PRKCB: variants seen among roughly 807,000 people sequenced by gnomAD.
PRKCB encodes protein kinase C beta type.
Under a neutral mutation model 81.5 loss-of-function variants are expected in PRKCB, and 13 were observed. The ratio of observed to expected loss-of-function variants is 0.16; its 90% CI spans 0.10 to 0.25. The LOEUF (loss-of-function observed/expected upper bound fraction) is 0.25, where lower values mean the gene tolerates loss of function less well. Among genes scored for constraint, PRKCB ranks in the 10% least tolerant of loss-of-function variants. The pLI is 1.00. For synonymous variants in PRKCB, 335 were observed against 321.4 expected, an observed-to-expected ratio of 1.04 and a Z score of -0.45; for missense variants, 509 against 875.7, an observed-to-expected ratio of 0.58 and a Z score of 5.29.
intron 2 of PRKCB, among the ~76,000 whole-genome samples, chr16:23,902,780 T>TCCTTCCTTCCTTCTTCCTCCCTCCCTC (rs1567307987): frequency 3.7e-5 from 1 of 27,364 alleles, no homozygotes; most frequent in African/African-American, 1.8e-4. Context: ...CTTCCTTCCT[T>TCCTTCCTTCCTTCTTCCTCCCTCCCTC]CCTCCCTCCC....
intron 5 of PRKCB, among the ~76,000 whole-genome samples, chr16:24,048,454 T>C (rs1355012623): frequency 6.6e-6 from 1 of 152,056 alleles, no homozygotes; most frequent in Non-Finnish European, 1.5e-5. Flanking sequence ...ATACATGATA[T>C]TAGTAGCAGC....
intron 2 of PRKCB, among the ~76,000 whole-genome samples, chr16:23,868,775 C>T (rs559820420): frequency 1.2e-4 from 18 of 152,288 alleles, no homozygotes; most frequent in Non-Finnish European, 2.1e-4. Context: ...AGACTGGGGC[C>T]GGCTGCCAAG....
intron 3 of PRKCB, among the ~76,000 whole-genome samples, chr16:24,004,021 A>T (rs958623008): frequency 6.6e-6 from 1 of 152,216 alleles, no homozygotes; most frequent in Non-Finnish European, 1.5e-5. Flanking sequence ...GACATTATGC[A>T]TTCAAATAAT....
In PRKCB at chr16:24,217,472, G is replaced by A; in HGVS notation, c.*2656G>A. On this transcript the variant is annotated 3_prime_UTR_variant, in exon 17 of 17. Coordinates refer to ENST00000643927, the MANE Select transcript of PRKCB (RefSeq NM_002738.7). ...TAACCCTCCTTGGATGAGTGCTACT[G>A]TTTTCACATGGCTTCAGATGCTATC... The A allele has an allele frequency of 1.2e-5, 12 of 985,438 alleles. No individual in the cohort carries two copies. Among genetic ancestry groups the A allele is most frequent in the Non-Finnish European group, 1.4e-5 (12 of 829,930 alleles). 61.0% of individuals were successfully genotyped at this position (985,438 alleles called of 1,614,324 possible).
chr16:24,061,965 T>C (rs1047182342), intron 5 of PRKCB, among the ~76,000 whole-genome samples: 2 of 145,576 alleles, frequency 1.4e-5, no homozygotes, highest in Non-Finnish European at 3.0e-5. Flanking sequence ...AAAATGCCCA[T>C]GTTGTTGAGA....
intron 5 of PRKCB, among the ~76,000 whole-genome samples, chr16:24,072,994 T>C (rs1007379255): frequency 1.3e-5 from 2 of 152,224 alleles, no homozygotes; most frequent in African/African-American, 4.8e-5. Flanking sequence ...TGATCAGAGA[T>C]GATTATCAAA....
At chr16:23,877,368 T>C (rs1385631972) in intron 2 of PRKCB, among the ~76,000 whole-genome samples, 1 of 152,086 alleles carries the variant, frequency 6.6e-6, no homozygotes, top group East Asian at 1.9e-4. Context: ...TTAGAGAGAA[T>C]AGAGAGAATC....
chr16:24,042,726 A>G (rs1320970340), intron 5 of PRKCB, among the ~76,000 whole-genome samples: 1 of 146,472 alleles, frequency 6.8e-6, no homozygotes, highest in East Asian at 2.0e-4. Context: ...AAATGTACAT[A>G]CAATGATACA....
chr16:23,901,749 G>A (rs1318113238), intron 2 of PRKCB, among the ~76,000 whole-genome samples: 1 of 152,148 alleles, frequency 6.6e-6, no homozygotes, highest in African/African-American at 2.4e-5. Context: ...GCTGGTGGCA[G>A]CATTTTCTCT....
chr16:24,200,965 T>C (rs752887686), intron 16 of PRKCB, among the ~76,000 whole-genome samples: 5 of 152,158 alleles, frequency 3.3e-5, no homozygotes, highest in Non-Finnish European at 7.3e-5. Flanking sequence ...GGCCCAGGGA[T>C]TGGGGATCCC....
At chr16:23,948,773 C>A (rs963811064) in intron 2 of PRKCB, among the ~76,000 whole-genome samples, 4 of 152,174 alleles carry the variant, frequency 2.6e-5, no homozygotes, top group Non-Finnish European at 4.4e-5. Context: ...ACTGAAGAAA[C>A]TGAGTCAAGA....
At chr16:23,995,363 A>C (rs1964941561) in intron 3 of PRKCB, among the ~76,000 whole-genome samples, 1 of 152,224 alleles carries the variant, frequency 6.6e-6, no homozygotes, top group Non-Finnish European at 1.5e-5. Flanking sequence ...TGACCCAGCA[A>C]ATCCAATGGT....
intron 10 of PRKCB, among the ~76,000 whole-genome samples, chr16:24,168,541 C>CTATTTTT (rs1967383324): frequency 1.3e-5 from 1 of 76,328 alleles, no homozygotes; most frequent in Non-Finnish European, 3.0e-5. Flanking sequence ...TCTTCTTCTA[C>CTATTTTT]TTTTTTTTTT....
At chr16:24,190,612 C>T (rs549485803) in intron 15 of PRKCB, among the ~76,000 whole-genome samples, 21 of 151,578 alleles carry the variant, frequency 1.4e-4, no homozygotes, top group African/African-American at 4.1e-4. Context: ...CTCCGCTTCC[C>T]GGGTTCAACA....
intron 15 of PRKCB, among the ~76,000 whole-genome samples, chr16:24,189,125 C>T (rs186422798): frequency 6.6e-5 from 10 of 152,272 alleles, no homozygotes; most frequent in African/African-American, 1.7e-4. Context: ...GAGAAAACCA[C>T]GTGTGAAATG....
rs1968209157 is a variant in PRKCB at position 24,215,300 on chromosome 16, A to G, written c.*484A>G. The G allele has an allele frequency of 1.0e-6, 1 of 986,446 alleles. No individual in the cohort carries two copies. Among genetic ancestry groups the G allele is most frequent in the Non-Finnish European group, 1.2e-6 (1 of 830,302 alleles). 61.1% of individuals were successfully genotyped at this position (986,446 alleles called of 1,614,324 possible). A position where few individuals can be genotyped will look rare whatever the true frequency, so the allele number is the denominator to read the frequency against. On this transcript the variant is annotated 3_prime_UTR_variant, in exon 17 of 17. Coordinates refer to ENST00000643927, the MANE Select transcript of PRKCB (RefSeq NM_002738.7). ...TGTTCTGGAGGCACCAGACCTTGAA[A>G]AGAACATGCTCAAAATAAAATGTTA... is the stretch of plus-strand genomic sequence containing the variant.
At chr16:24,000,128 A>G (rs1039705124) in intron 3 of PRKCB, among the ~76,000 whole-genome samples, 1 of 152,234 alleles carries the variant, frequency 6.6e-6, no homozygotes, top group African/African-American at 2.4e-5. Flanking sequence ...TTCAAGTGGT[A>G]GAAAAATAGA....
intron 2 of PRKCB, among the ~76,000 whole-genome samples, chr16:23,900,971 C>T (rs548470186): frequency 1.3e-5 from 2 of 152,028 alleles, no homozygotes; most frequent in Admixed American, 1.3e-4. Flanking sequence ...TCCTGTGCAC[C>T]GTGCATTCAT....
intron 2 of PRKCB, among the ~76,000 whole-genome samples, chr16:23,886,692 C>A (rs1037923173): frequency 2.0e-5 from 3 of 152,078 alleles, no homozygotes; most frequent in South Asian, 4.1e-4. Context: ...GGATTACAGG[C>A]GTGAGCCACC....
Sources: gnomAD v4.1 joint callset for allele counts (sites outside exome capture counted in the v4.1 genomes callset) on GRCh38, gnomAD v4.1.1 for gene constraint, MANE v1.5 for transcripts, NCBI Gene and HGNC (gene_info 2026-07-23, HGNC 2026-07-21) for gene names.